The following MVK variants were observed in gnomAD, a reference collection of about 807,000 sequenced individuals.
MVK encodes the protein LH receptor mRNA-binding protein.
Under a neutral mutation model 43.2 loss-of-function variants are expected in MVK, and 34 were observed. That is an observed-to-expected ratio of 0.79 (90% CI 0.60 to 1.05). The LOEUF (loss-of-function observed/expected upper bound fraction) is 1.05, where lower values mean the gene tolerates loss of function less well. Among genes scored for constraint, MVK ranks in the 50% least tolerant of loss-of-function variants. MVK has a pLI of 0.00. For missense variants in MVK, 395 were observed against 504.0 expected (o/e 0.78, Z 2.07); for synonymous variants, 190 against 219.8 (o/e 0.86, Z 1.20).
At chr12:109,594,361 C>G (rs946453936) in intron 9 of MVK, among the ~76,000 whole-genome samples, 1 of 152,250 alleles carries the variant, frequency 6.6e-6, no homozygotes, top group Non-Finnish European at 1.5e-5. Flanking sequence ...AGACAAACAG[C>G]TGTTTCCCTG....
Position 109,595,046 on chromosome 12 carries a change from C to T in MVK, c.904C>T (p.Gln302Ter), listed in dbSNP as rs886048933. ...CCCCTAGGAGCTCATTGACATGAAC[C>T]AGCACCATCTGAATGCCCTCGGCGT... The part of the protein sequence containing the change: ...LVLEELIDMN[Q>*]HHLNALGVGH... The change falls in exon 10 of 11, where the codon CAG becomes TAG. Residue 302 changes from glutamine to a stop codon, truncating the protein, a stop_gained. Transcript: ENST00000228510. LOFTEE classifies it high-confidence loss of function. This position sits in a 1 kb window ranked among gnomAD's most constrained non-coding sequence, Gnocchi z 5.9. 6.2e-6 allele frequency: 10 copies of T among 1,614,218 alleles called. No individual in the cohort carries two copies. The highest frequency in any genetic ancestry group is 7.6e-6 in the Non-Finnish European group (9 of 1,180,038).
chr12:109,592,911 T>A (rs1885745325), intron 9 of MVK, among the ~76,000 whole-genome samples: 1 of 152,194 alleles, frequency 6.6e-6, no homozygotes, highest in Non-Finnish European at 1.5e-5. Flanking sequence ...AGGAAATCAA[T>A]AATGATAGAA....
chr12:109,581,472 C>T lies in MVK; in HGVS notation c.449C>T (p.Ser150Leu), dbSNP rs747116992. ...GGCTTGGGCTCCAGCGCCGCCTACT[C>T]GGTGTGTCTGGCAGCAGCCCTCCTG... Reference protein sequence around the residue: ...GAGLGSSAAYSVCLAAALLTV... With the variant: ...GAGLGSSAAYLVCLAAALLTV... The change falls in exon 5 of 11, where the codon TCG (serine) becomes TTG (leucine). Residue 150 changes from serine (S) to leucine (L), a missense_variant. Ser to Leu is a moderately radical substitution (Grantham distance 145). Transcript: ENST00000228510. 2.4e-5 allele frequency: 38 copies of T among 1,614,086 alleles called. No individual in the cohort carries two copies. The highest frequency in any genetic ancestry group is 5.3e-5 in the African/African-American group (4 of 74,944).
intron 9 of MVK, among the ~76,000 whole-genome samples, chr12:109,593,012 CCGCTGAAATGTGCAGCT>C (rs1885749608): frequency 6.6e-6 from 1 of 152,228 alleles, no homozygotes; most frequent in South Asian, 2.1e-4. Flanking sequence ...GCTGTGGCAG[CCGCTGAAATGTGCAGCT>C]CAGCTCCTGG....
At chr12:109,573,593 C>T (rs1884762950), upstream of MVK, 1 of 1,260,022 alleles carries the variant, frequency 7.9e-7, no homozygotes, top group Admixed American at 2.0e-5. Flanking sequence ...TATTGGTTCG[C>T]AGTTCTCACC....
chr12:109,575,715 A>G (rs1884918777), intron 2 of MVK, among the ~76,000 whole-genome samples: 1 of 152,108 alleles, frequency 6.6e-6, no homozygotes, highest in Non-Finnish European at 1.5e-5. Context: ...ATGTTCTTAT[A>G]TTTCTCATTG....
At chr12:109,577,509 T>C (rs1037438723) in intron 3 of MVK, among the ~76,000 whole-genome samples, 6 of 152,220 alleles carry the variant, frequency 3.9e-5, no homozygotes, top group Admixed American at 1.3e-4. Flanking sequence ...GGGGTCTCAC[T>C]GTGTTGCCCA....
chr12:109,592,737 AC>A (rs945047461), intron 9 of MVK, among the ~76,000 whole-genome samples: 1 of 152,154 alleles, frequency 6.6e-6, no homozygotes, highest in Non-Finnish European at 1.5e-5. Context: ...CAGCCGACGG[AC>A]TGGTCTGTCC....
Position 109,596,591 on chromosome 12 carries a change from C to T in MVK, c.*14C>T. ...GATGGCCTCTGAGAGGAGCCCACGA[C>T]ACTGCAGCCCCACCCAGATGCCCCT... is the stretch of plus-strand genomic sequence containing the variant. On this transcript the variant is annotated 3_prime_UTR_variant, in exon 11 of 11. Transcript: ENST00000228510. The T allele has an allele frequency of 6.2e-7, 1 of 1,606,212 alleles. No individual in the cohort carries two copies. The highest frequency in any genetic ancestry group is 8.5e-7 in the Non-Finnish European group (1 of 1,179,796).
chr12:109,587,642 G>A (rs1336022122), intron 7 of MVK, among the ~76,000 whole-genome samples: 2 of 152,084 alleles, frequency 1.3e-5, no homozygotes, highest in South Asian at 2.1e-4. Context: ...CTTTACTCAG[G>A]GCGGTCTTCA....
chr12:109,573,366 C>A (rs1355023968), upstream of MVK: 1 of 1,613,086 alleles, frequency 6.2e-7, no homozygotes, highest in Non-Finnish European at 8.5e-7. Context: ...TCTTCCACGC[C>A]CTGAGGGCCG....
chr12:109,590,615 G>T, intron 7 of MVK, 156 bp from the exon 8 acceptor site: 1 of 704,986 alleles, frequency 1.4e-6, no homozygotes, highest in Non-Finnish European at 2.6e-6. Context: ...GCTGTGGCCA[G>T]CAGCAGAAGC....
Position 109,594,915 on chromosome 12 carries a change from C to A in MVK, c.886-113C>A, listed in dbSNP as rs1409868917. On this transcript the variant is annotated intron_variant, in intron 9 of 10. Transcript: ENST00000228510. ...GGCCAGGGTGCCAGGTAGGCAAAGCCGTTGGCTGTCTCCAGCCAACAACTG... is the reference window on the plus strand; with the variant it reads ...GGCCAGGGTGCCAGGTAGGCAAAGCAGTTGGCTGTCTCCAGCCAACAACTG... The A allele has an allele frequency of 1.1e-5, 14 of 1,329,426 alleles. No individual in the cohort carries two copies. The East Asian group carries it at 3.0e-4, about 29-fold the overall frequency. 82.4% of individuals were successfully genotyped at this position (1,329,426 alleles called of 1,614,324 possible).
At chr12:109,573,321 A>C, upstream of MVK, 2 of 1,611,798 alleles carry the variant, frequency 1.2e-6, no homozygotes, top group South Asian at 2.2e-5. Flanking sequence ...CAGGTGTTCG[A>C]GTTGCCCTTC....
rs1220108639 is a variant in MVK at position 109,597,472 on chromosome 12, C to A, written c.*895C>A. 1.3e-5 allele frequency: 2 copies of A among 152,286 alleles called. No individual in the cohort carries two copies. The highest frequency in any genetic ancestry group is 4.8e-5 in the African/African-American group (2 of 41,438). The allele number at this position is 152,286 out of a possible 1,614,324, so 9.4% of individuals were successfully genotyped here. A position where few individuals can be genotyped will look rare whatever the true frequency, so the allele number is the denominator to read the frequency against. On this transcript the variant is annotated 3_prime_UTR_variant, in exon 11 of 11. Coordinates refer to ENST00000228510, the MANE Select transcript of MVK (RefSeq NM_000431.4). The stretch of plus-strand genomic sequence containing the variant: ...CCATCAGCACAACTCTAGGCTGCTG[C>A]TGCGGAGGGAGAAGTTGAGCTTCCT...
chr12:109,586,954 AG>A, intron 7 of MVK, 155 bp downstream of exon 7: 1 of 854,384 alleles, frequency 1.2e-6, no homozygotes, highest in Non-Finnish European at 1.9e-6. Flanking sequence ...GCAAGGAAGC[AG>A]GGGTGGTGGG....
At chr12:109,574,006 A>T (rs1463817231) in intron 1 of MVK, 133 bp downstream of exon 1, 3 of 154,886 alleles carry the variant, frequency 1.9e-5, no homozygotes, top group Non-Finnish European at 4.3e-5. Flanking sequence ...GGCGACCTCA[A>T]TCTGACAGTC....
Position 109,586,052 on chromosome 12 carries a change from C to T in MVK, c.558C>T (p.Asn186=). The change falls in exon 6 of 11, where the codon AAC becomes AAT. Residue 186 remains asparagine, a synonymous_variant. Coordinates refer to ENST00000228510, the MANE Select transcript of MVK (RefSeq NM_000431.4). ...RWTKEDLELI[N]KWAFQGERMI... ...CCAAGGAGGATTTGGAGCTAATTAA[C>T]AAGTGGGCCTTCCAAGGGGAGAGAA... 3.1e-6 allele frequency: 5 copies of T among 1,614,172 alleles called. No homozygotes were observed. Among genetic ancestry groups the T allele is most frequent in the Non-Finnish European group, 3.4e-6 (4 of 1,179,990 alleles).
In MVK at chr12:109,595,258, GA is replaced by G; in HGVS notation, c.1039+82del. ...TCCACCTGGAGAATTCCCTTGAAAG[GA>G]AAAAGAGACCTGGAAACAGGTCTCA... On this transcript the variant is annotated intron_variant, in intron 10 of 10. Coordinates refer to ENST00000228510, the MANE Select transcript of MVK (RefSeq NM_000431.4). The surrounding 1 kb of genome is among the most constrained non-coding windows in gnomAD (Gnocchi z 5.9). 1.3e-6 allele frequency: 2 copies of G among 1,578,030 alleles called. No individual in the cohort carries two copies. The highest frequency in any genetic ancestry group is 2.2e-5 in the East Asian group (1 of 44,582).
Sources: gnomAD v4.1 joint callset for allele counts (sites outside exome capture counted in the v4.1 genomes callset) on GRCh38, gnomAD v4.1.1 for gene constraint, Gnocchi (gnomAD v3.1) non-coding constraint, MANE v1.5 for transcripts, NCBI Gene and HGNC (gene_info 2026-07-23, HGNC 2026-07-21) for gene names.